SRPK2: variants seen among roughly 807,000 people sequenced by gnomAD.
SRPK2 encodes SRSF protein kinase 2, also known as SFRS protein kinase 2.
Under a neutral mutation model 90.8 loss-of-function variants are expected in SRPK2, and 21 were observed. The ratio of observed to expected loss-of-function variants is 0.23; its 90% CI spans 0.16 to 0.33. The LOEUF (loss-of-function observed/expected upper bound fraction) is 0.33. Among genes scored for constraint, SRPK2 ranks in the 10% least tolerant of loss-of-function variants. SRPK2 has a pLI of 1.00. For missense variants in SRPK2, 620 were observed against 869.0 expected, an observed-to-expected ratio of 0.71 and a Z score of 3.60; for synonymous variants, 288 against 311.1, an observed-to-expected ratio of 0.93 and a Z score of 0.78.
Position 105,148,374 on chromosome 7 carries a change from C to A in SRPK2, c.622-1716G>T, listed in dbSNP as rs142328486. ...GTGATGAACCAAGATATTCATATTT[C>A]TCATATTAAAACAATCAAAAACTTA... is the stretch of plus-strand genomic sequence containing the variant. On this transcript the variant is annotated intron_variant, in intron 7 of 15. Transcript: ENST00000393651. 3.1e-3 allele frequency among the ~76,000 whole-genome samples: 471 copies of A among 152,288 alleles called. 14 individuals are homozygous for A. In the East Asian group the frequency reaches 0.062, roughly 20 times the overall value.
intron 3 of SRPK2, among the ~76,000 whole-genome samples, chr7:105,182,675 C>T (rs900769095): frequency 6.6e-6 from 1 of 152,136 alleles, no homozygotes; most frequent in African/African-American, 2.4e-5. Flanking sequence ...GCCATGTTGG[C>T]CAGGCTGGTC....
chr7:105,163,629 T>TA (rs531825387), intron 6 of SRPK2, among the ~76,000 whole-genome samples: 1 of 151,752 alleles, frequency 6.6e-6, no homozygotes, highest in South Asian at 2.1e-4. Flanking sequence ...ATCCCGTCTC[T>TA]AAAAAAATAA....
upstream of SRPK2, chr7:105,389,025 C>T (rs1822025234): frequency 1.0e-5 from 10 of 956,942 alleles, no homozygotes; most frequent in Non-Finnish European, 1.1e-5. Flanking sequence ...GGGGTCGGGA[C>T]CCCAGCGCCG....
At chr7:105,394,538 T>A (rs1822271603) in intron 1 of SRPK2, among the ~76,000 whole-genome samples, 1 of 152,218 alleles carries the variant, frequency 6.6e-6, no homozygotes, top group Non-Finnish European at 1.5e-5. Context: ...TTACAACATC[T>A]GGAAAGTGAT....
chr7:105,252,106 GAT>G (rs1447371902), intron 2 of SRPK2, among the ~76,000 whole-genome samples: 3 of 152,182 alleles, frequency 2.0e-5, no homozygotes, highest in African/African-American at 7.2e-5. Flanking sequence ...TATGATGGCA[GAT>G]AACTGAATAT....
intron 2 of SRPK2, among the ~76,000 whole-genome samples, chr7:105,349,678 G>T (rs1042409532): frequency 1.3e-4 from 20 of 152,134 alleles, no homozygotes; most frequent in African/African-American, 4.6e-4. Context: ...AAAAACCAGA[G>T]ATAACTGAAC....
At chr7:105,268,658 G>A (rs1419041372) in intron 2 of SRPK2, 1 of 816,154 alleles carries the variant, frequency 1.2e-6, no homozygotes, top group Non-Finnish European at 1.8e-6. Flanking sequence ...AGAACAGCTT[G>A]CCCCAATACA....
intron 2 of SRPK2, chr7:105,244,951 C>T (rs1338719878): frequency 2.1e-6 from 3 of 1,462,038 alleles, no homozygotes; most frequent in Non-Finnish European, 2.8e-6. Context: ...ATGAGGAAAG[C>T]CGCTGCCAAG....
Position 105,362,935 on chromosome 7 carries a change from G to A in SRPK2, c.71+25713C>T, listed in dbSNP as rs546992483. 3.3e-5 allele frequency among the ~76,000 whole-genome samples: 5 copies of A among 152,106 alleles called. No individual in the cohort carries two copies. In the South Asian group the frequency reaches 6.2e-4, roughly 19 times the overall value. ...AAACCATCATTCTAAGCAAACTATC[G>A]CATGGACAGAAAACCAAACACTGCA... is the stretch of plus-strand genomic sequence containing the variant. On this transcript the variant is annotated intron_variant, in intron 2 of 15. Coordinates refer to ENST00000393651, the MANE Select transcript of SRPK2 (RefSeq NM_182692.3).
chr7:105,388,990 GCCCCGCCCCCA>G, upstream of SRPK2: 1 of 293,506 alleles, frequency 3.4e-6, no homozygotes, highest in Non-Finnish European at 4.1e-6. Context: ...CCCCGCCCCC[GCCCCGCCCCCA>G]CCCGCCGGCC....
At chr7:105,245,414 T>C (rs749186785) in intron 2 of SRPK2, among the ~76,000 whole-genome samples, 4 of 152,224 alleles carry the variant, frequency 2.6e-5, no homozygotes, top group Non-Finnish European at 4.4e-5. Flanking sequence ...CAGTGAGGAC[T>C]TTAGATAAAG....
At chr7:105,323,640 A>G (rs1813189619) in intron 2 of SRPK2, among the ~76,000 whole-genome samples, 1 of 152,228 alleles carries the variant, frequency 6.6e-6, no homozygotes, top group Admixed American at 6.5e-5. Context: ...TCAGCACCAA[A>G]GTGTACTAGA....
At chr7:105,183,759 G>A (rs1310982570) in intron 3 of SRPK2, among the ~76,000 whole-genome samples, 2 of 152,138 alleles carry the variant, frequency 1.3e-5, no homozygotes, top group Non-Finnish European at 2.9e-5. Flanking sequence ...CAAACTGCTA[G>A]GGTTACAGGT....
chr7:105,359,956 C>T (rs1419703002), intron 2 of SRPK2, among the ~76,000 whole-genome samples: 1 of 152,150 alleles, frequency 6.6e-6, no homozygotes, highest in Non-Finnish European at 1.5e-5. Flanking sequence ...TCTCGTTGAT[C>T]TGTCTAATAT....
chr7:105,280,658 G>A (rs892543024), intron 2 of SRPK2, among the ~76,000 whole-genome samples: 11 of 42,920 alleles, frequency 2.6e-4, no homozygotes, highest in Non-Finnish European at 6.5e-4. Flanking sequence ...TAAAAAAAAG[G>A]GGGGGGGGGC....
intron 2 of SRPK2, among the ~76,000 whole-genome samples, chr7:105,219,971 T>G (rs543143908): frequency 6.6e-6 from 1 of 152,348 alleles, no homozygotes; most frequent in East Asian, 1.9e-4. Context: ...CAAAAATTCC[T>G]AACCAGTGTA....
intron 2 of SRPK2, among the ~76,000 whole-genome samples, chr7:105,283,121 T>A (rs955883215): frequency 2.2e-4 from 34 of 152,322 alleles, no homozygotes; most frequent in African/African-American, 7.9e-4. Context: ...AAGAGGGCTA[T>A]AATCGAAAAG....
At chr7:105,186,474 A>T (rs770369124) in intron 3 of SRPK2, among the ~76,000 whole-genome samples, 4 of 152,208 alleles carry the variant, frequency 2.6e-5, no homozygotes, top group African/African-American at 4.8e-5. Context: ...AAGTTTTTTC[A>T]CTTAAAATAA....
intron 1 of SRPK2, among the ~76,000 whole-genome samples, chr7:105,396,374 A>G (rs1162888843): frequency 6.6e-6 from 1 of 150,700 alleles, no homozygotes. Context: ...TGGTGGCTTC[A>G]TGCCTGTAAT....
Sources: gnomAD v4.1 joint callset for allele counts (sites outside exome capture counted in the v4.1 genomes callset) on GRCh38, gnomAD v4.1.1 for gene constraint, MANE v1.5 for transcripts, NCBI Gene and HGNC (gene_info 2026-07-23, HGNC 2026-07-21) for gene names.